Variants in ST3GAL1 observed in about 807,000 individuals in gnomAD.
ST3GAL1 encodes CMP-N-acetylneuraminate-beta-galactosamide-alpha-2,3-sialyltransferase 1.
ST3GAL1 carries 16 observed loss-of-function variants against 34.1 expected under a neutral mutation model. That is an observed-to-expected ratio of 0.47 (90% confidence interval 0.32 to 0.71). ST3GAL1 has a LOEUF of 0.71. Among genes scored for constraint, ST3GAL1 ranks in the 30% least tolerant of loss-of-function variants. ST3GAL1 has a pLI of 0.04. For missense variants in ST3GAL1, 353 were observed against 447.4 expected (o/e 0.79, Z 1.90); for synonymous variants, 191 against 184.7 (o/e 1.03, Z -0.28).
intron 3 of ST3GAL1, among the ~76,000 whole-genome samples, chr8:133,497,356 T>C: frequency 6.6e-6 from 1 of 151,360 alleles, no homozygotes; most frequent in Non-Finnish European, 1.5e-5. Flanking sequence ...CATTGCAAAC[T>C]TCACCAAACA....
chr8:133,555,508 G>A (rs79508204), intron 1 of ST3GAL1, among the ~76,000 whole-genome samples: 7,061 of 152,016 alleles, frequency 0.046, 547 homozygotes, highest in African/African-American at 0.16. Flanking sequence ...TGGGACATTC[G>A]TCCTGCCCTC....
chr8:133,510,615 A>C (rs2131010784), intron 2 of ST3GAL1, among the ~76,000 whole-genome samples: 1 of 152,226 alleles, frequency 6.6e-6, no homozygotes, highest in South Asian at 2.1e-4. Context: ...GCATTAATTA[A>C]CTAATTAGTG....
chr8:133,489,506 A>C (rs890718041), intron 3 of ST3GAL1: 1 of 152,426 alleles, frequency 6.6e-6, no homozygotes, highest in African/African-American at 2.4e-5. Flanking sequence ...AATCTGCCCA[A>C]ACTCTGCTCC....
In ST3GAL1 at chr8:133,493,299, G is replaced by A. The variant is rs568672329; in HGVS notation, c.-374+5836C>T. On this transcript the variant is annotated intron_variant, in intron 3 of 9. Transcript: ENST00000522652. ...ATAAGAGGTGGGCCTTGCCAAGGCTGGCTGTACTGCTTGGGTCTTGGAGAG... is the reference window on the plus strand; with the variant it reads ...ATAAGAGGTGGGCCTTGCCAAGGCTAGCTGTACTGCTTGGGTCTTGGAGAG... Among the ~76,000 whole-genome samples the A allele has an allele frequency of 2.4e-3, 368 of 152,358 alleles. 1 individual carries two copies. Among genetic ancestry groups the A allele is most frequent in the Non-Finnish European group, 3.8e-3 (258 of 68,028 alleles).
intron 3 of ST3GAL1, among the ~76,000 whole-genome samples, chr8:133,483,771 G>A (rs965287226): frequency 1.3e-5 from 2 of 152,184 alleles, no homozygotes; most frequent in Admixed American, 1.3e-4. Context: ...CCCAGACCCA[G>A]ACTCTGCAAC....
In ST3GAL1 at chr8:133,455,457, C is replaced by T. The variant is rs1033957023; in HGVS notation, c.*4307G>A. On this transcript the variant is annotated 3_prime_UTR_variant, in exon 10 of 10. Coordinates refer to ENST00000522652, the MANE Select transcript of ST3GAL1 (RefSeq NM_173344.3). ...TCTGCCTTTTCTTCTAAGTTTTCCT[C>T]CTTTTCTTTGCACAGGTGTCAGGTA... 8 of 152,370 alleles carry T rather than the reference C, an allele frequency of 5.3e-5. No homozygotes were observed. Among genetic ancestry groups the T allele is most frequent in the African/African-American group, 1.7e-4 (7 of 41,570 alleles). The allele number at this position is 152,370 out of a possible 1,614,324, so 9.4% of individuals were successfully genotyped here.
At chr8:133,540,730 T>TATATATATATAGAC (rs1563733792) in intron 2 of ST3GAL1, among the ~76,000 whole-genome samples, 33 of 65,784 alleles carry the variant, frequency 5.0e-4, no homozygotes, top group African/African-American at 3.3e-3. Context: ...TATATAGACA[T>TATATATATATAGAC]ATATATATAT....
chr8:133,557,455 C>G (rs1332500437), intron 1 of ST3GAL1, among the ~76,000 whole-genome samples: 11 of 152,086 alleles, frequency 7.2e-5, no homozygotes, highest in Admixed American at 7.2e-4. Context: ...TAATGCAGGC[C>G]TTGGCAGTAT....
chr8:133,534,491 C>T (rs1210565065), intron 2 of ST3GAL1, among the ~76,000 whole-genome samples: 2 of 152,064 alleles, frequency 1.3e-5, no homozygotes, highest in Admixed American at 6.6e-5. Flanking sequence ...CAGAAAGGGC[C>T]GTGGGATATT....
intron 2 of ST3GAL1, among the ~76,000 whole-genome samples, chr8:133,506,409 C>A (rs1400086871): frequency 6.6e-6 from 1 of 152,176 alleles, no homozygotes; most frequent in Non-Finnish European, 1.5e-5. Flanking sequence ...AGGTATTAAG[C>A]AAATAAATGG....
Position 133,475,829 on chromosome 8 carries a change from C to T in ST3GAL1, c.196G>A (p.Gly66Arg), listed in dbSNP as rs201652037. The T allele has an allele frequency of 1.2e-5, 19 of 1,614,072 alleles. No homozygotes were observed. Among genetic ancestry groups the T allele is most frequent in the Non-Finnish European group, 1.4e-5 (17 of 1,180,030 alleles). The change falls in exon 5 of 10, where the codon GGG (glycine) becomes AGG (arginine). Residue 66 changes from glycine to arginine, a missense_variant. Transcript: ENST00000522652. ...AACCAGGCCGAGAGCTTGCGCTGCC[C>T]GATGCAGTGGGTGCAGGTGCAAGGC... ...HRPCTCTHCI[G>R]QRKLSAWFDE...
chr8:133,535,525 A>ATTTTTTTTTTTTTTTTTTTTTTTTTTTT (rs112708766), intron 2 of ST3GAL1, among the ~76,000 whole-genome samples: 2 of 144,928 alleles, frequency 1.4e-5, no homozygotes, highest in African/African-American at 5.5e-5. Flanking sequence ...GTATTTTTTA[A>ATTTTTTTTTTTTTTTTTTTTTTTTTTTT]TTTTTTTTTT....
At chr8:133,480,563 A>T (rs956979664) in intron 3 of ST3GAL1, among the ~76,000 whole-genome samples, 2 of 152,212 alleles carry the variant, frequency 1.3e-5, no homozygotes, top group Non-Finnish European at 2.9e-5. Context: ...CTTTCAATAC[A>T]GAGTGGCCAC....
rs1407808073 is a variant in ST3GAL1, at chr8:133,461,648, A to G, written c.849+227T>C. ...CACCACCACGGTCCTGGGCACTTACACAGAATGTGCCAGAACTATTGCTCC... is the reference window on the plus strand; with the variant it reads ...CACCACCACGGTCCTGGGCACTTACGCAGAATGTGCCAGAACTATTGCTCC... On this transcript the variant is annotated intron_variant, in intron 9 of 9. Transcript: ENST00000522652. This position sits in a 1 kb window ranked among gnomAD's most constrained non-coding sequence, Gnocchi z 4.7. Among the ~76,000 whole-genome samples, 1 of 152,166 alleles carries G rather than the reference A, an allele frequency of 6.6e-6. No homozygotes were observed. Among genetic ancestry groups the G allele is most frequent in the Non-Finnish European group, 1.5e-5 (1 of 68,016 alleles).
In ST3GAL1 at chr8:133,461,483, C is replaced by G. The variant is rs1815499973; in HGVS notation, c.849+392G>C. The stretch of plus-strand genomic sequence containing the variant: ...TCCCATTAATTCTGGTAAAATTGGG[C>G]CAAGGTGTGGCTTGGGTGCTGGAAC... On this transcript the variant is annotated intron_variant, in intron 9 of 9. Coordinates refer to ENST00000522652, the MANE Select transcript of ST3GAL1 (RefSeq NM_173344.3). The surrounding 1 kb of genome is among the most constrained non-coding windows in gnomAD (Gnocchi z 4.7). Among the ~76,000 whole-genome samples, 1 of 152,102 alleles carries G rather than the reference C, an allele frequency of 6.6e-6. No homozygotes were observed. Among genetic ancestry groups the G allele is most frequent in the South Asian group, 2.1e-4 (1 of 4,826 alleles).
chr8:133,475,794 C>G lies in ST3GAL1; in HGVS notation c.231G>C (p.Arg77Ser). Residue 77 changes from arginine to serine, a missense_variant, in exon 5 of 10, where the codon AGG becomes AGC. By Grantham distance (110) the Arg-to-Ser change is moderately radical. Coordinates refer to ENST00000522652, the MANE Select transcript of ST3GAL1 (RefSeq NM_173344.3). ...GCAGCGGCTGCATGGTCTGGTTGAA[C>G]CTCTCATCGAACCAGGCCGAGAGCT... ...QRKLSAWFDE[R>S]FNQTMQPLLT... 1.2e-6 allele frequency: 2 copies of G among 1,614,024 alleles called. No individual in the cohort carries two copies. Among genetic ancestry groups the G allele is most frequent in the Non-Finnish European group, 1.7e-6 (2 of 1,179,972 alleles).
intron 3 of ST3GAL1, among the ~76,000 whole-genome samples, chr8:133,493,478 G>A (rs1816844532): frequency 6.6e-6 from 1 of 152,170 alleles, no homozygotes; most frequent in Non-Finnish European, 1.5e-5. Context: ...GTTTGCATGT[G>A]GGGGATGCTG....
chr8:133,550,316 C>T (rs767300566), intron 1 of ST3GAL1, among the ~76,000 whole-genome samples: 22 of 152,280 alleles, frequency 1.4e-4, no homozygotes, highest in South Asian at 4.1e-4. Context: ...AAACTCTTAC[C>T]GCTGAAACAT....
chr8:133,554,875 C>T (rs1308283964), intron 1 of ST3GAL1, among the ~76,000 whole-genome samples: 6 of 151,808 alleles, frequency 4.0e-5, no homozygotes, highest in Non-Finnish European at 5.9e-5. Context: ...TACAGGCACA[C>T]ATCACCACAC....
Sources: allele counts gnomAD v4.1 joint callset (sites outside exome capture counted in the v4.1 genomes callset), GRCh38; gene constraint gnomAD v4.1.1; non-coding constraint Gnocchi (gnomAD v3.1); transcripts MANE v1.5; gene names NCBI Gene and HGNC (gene_info 2026-07-23, HGNC 2026-07-21).